PTPN2: variants seen among roughly 807,000 people sequenced by gnomAD.
The protein encoded by PTPN2 is protein tyrosine phosphatase non-receptor type 2, also known as tyrosine-protein phosphatase non-receptor type 2.
PTPN2 carries 19 observed loss-of-function variants against 57.3 expected under a neutral mutation model. The observed-to-expected ratio is 0.33, with a 90% confidence interval of 0.23 to 0.49. The LOEUF (loss-of-function observed/expected upper bound fraction) is 0.49, where lower values mean the gene tolerates loss of function less well. PTPN2 is among the 20% of genes least tolerant of loss of function. PTPN2 has a pLI of 0.99. For missense variants in PTPN2, 358 were observed against 501.1 expected (o/e 0.71, Z 2.73); for synonymous variants, 153 against 164.9 (o/e 0.93, Z 0.55).
intron 8 of PTPN2, among the ~76,000 whole-genome samples, chr18:12,796,026 C>T (rs1336589696): frequency 1.3e-5 from 2 of 151,356 alleles, no homozygotes; most frequent in Non-Finnish European, 1.5e-5. Context: ...ATTGAGACTA[C>T]CTTTTTCCTG....
downstream of PTPN2, among the ~76,000 whole-genome samples, chr18:12,789,189 T>C (rs888988855): frequency 2.0e-5 from 3 of 151,920 alleles, no homozygotes; most frequent in Non-Finnish European, 2.9e-5. Context: ...TCTGCACTTC[T>C]AGGGGCAGGT....
chr18:12,856,707 A>T (rs1262197504), intron 2 of PTPN2, among the ~76,000 whole-genome samples: 1 of 152,232 alleles, frequency 6.6e-6, no homozygotes, highest in Non-Finnish European at 1.5e-5. Flanking sequence ...TATATACTTG[A>T]GGATAACTTA....
At chr18:12,814,972 T>C (rs1377317714) in intron 6 of PTPN2, among the ~76,000 whole-genome samples, 1 of 151,880 alleles carries the variant, frequency 6.6e-6, no homozygotes, top group Non-Finnish European at 1.5e-5. Flanking sequence ...TAATCCCAGC[T>C]ACATTGGAGG....
chr18:12,790,445 G>C (rs984651073), downstream of PTPN2, among the ~76,000 whole-genome samples: 5 of 152,184 alleles, frequency 3.3e-5, no homozygotes, highest in Admixed American at 3.3e-4. Context: ...TGCAGTTGCA[G>C]TCTTCCTTTG....
rs1351629607 is a variant in PTPN2 at position 12,860,285 on chromosome 18, T to TC, written c.70-1032_70-1031insG. 4.8e-5 allele frequency among the ~76,000 whole-genome samples: 7 copies of TC among 145,782 alleles called. No individual in the cohort carries two copies. In the East Asian group the frequency reaches 8.3e-4, roughly 17 times the overall value. ...GTCTGGGCGACAGAGTGAGACTCTA[T>TC]AAAAAAAAACCCCAAAAAAATACAA... On this transcript the variant is annotated intron_variant, in intron 1 of 8. Transcript: ENST00000309660.
intron 4 of PTPN2, among the ~76,000 whole-genome samples, chr18:12,830,274 C>A (rs2042625630): frequency 6.6e-6 from 1 of 152,030 alleles, no homozygotes. Flanking sequence ...CTCAGCCTCC[C>A]AAGTAGCTAG....
In PTPN2 at chr18:12,878,208, G is replaced by A. The variant is rs541197295; in HGVS notation, c.69+5865C>T. Among the ~76,000 whole-genome samples, 432 of 151,630 alleles carry A rather than the reference G, an allele frequency of 2.8e-3. 1 individual carries two copies. The highest frequency in any genetic ancestry group is 4.7e-3 in the Non-Finnish European group (316 of 67,886). ...AAAAAAATTAGCCAGGCCCAGCTAC[G>A]TGGGGGACTGAGGCAGGAGGATGTC... On this transcript the variant is annotated intron_variant, in intron 1 of 8. Transcript: ENST00000309660.
intron 3 of PTPN2, among the ~76,000 whole-genome samples, chr18:12,833,113 A>G (rs1206984765): frequency 6.6e-6 from 1 of 152,192 alleles, no homozygotes; most frequent in African/African-American, 2.4e-5. Context: ...TCAGAGGAAC[A>G]GAGATTCACA....
chr18:12,842,446 G>A (rs780869576), intron 2 of PTPN2, among the ~76,000 whole-genome samples: 9 of 152,186 alleles, frequency 5.9e-5, no homozygotes, highest in Non-Finnish European at 1.0e-4. Context: ...GACTCACAGC[G>A]CTGGGGAGAG....
intron 2 of PTPN2, among the ~76,000 whole-genome samples, chr18:12,839,943 A>T (rs1460055755): frequency 9.2e-6 from 1 of 108,170 alleles, no homozygotes; most frequent in African/African-American, 3.0e-5. Flanking sequence ...CATAAGCTTT[A>T]AAAAAAAAAA....
intron 7 of PTPN2, among the ~76,000 whole-genome samples, chr18:12,803,372 G>T (rs997451943): frequency 2.0e-5 from 3 of 152,110 alleles, no homozygotes; most frequent in African/African-American, 7.2e-5. Context: ...CAAAATGGCA[G>T]GTGTAAGTCC....
intron 2 of PTPN2, among the ~76,000 whole-genome samples, chr18:12,847,151 G>T (rs1486649670): frequency 6.6e-6 from 1 of 151,994 alleles, no homozygotes; most frequent in African/African-American, 2.4e-5. Context: ...GGCAAGAAAT[G>T]AAGCATACAA....
chr18:12,826,406 G>A (rs775782357), intron 4 of PTPN2, among the ~76,000 whole-genome samples: 8 of 152,104 alleles, frequency 5.3e-5, no homozygotes, highest in Non-Finnish European at 1.2e-4. Flanking sequence ...CCATCTCGGG[G>A]AGCAGGGCGG....
intron 1 of PTPN2, among the ~76,000 whole-genome samples, chr18:12,875,154 AG>A (rs1180209960): frequency 6.6e-6 from 1 of 152,162 alleles, no homozygotes; most frequent in African/African-American, 2.4e-5. Context: ...TCAAGTACCC[AG>A]GGACACAAAC....
chr18:12,789,878 GTATATATATA>G (rs1002659485), downstream of PTPN2, among the ~76,000 whole-genome samples: 1 of 151,346 alleles, frequency 6.6e-6, no homozygotes, highest in African/African-American at 2.4e-5. Context: ...GTGTGTGTGT[GTATATATATA>G]TGTATGTATA....
At chr18:12,844,126 T>G (rs926893923) in intron 2 of PTPN2, 1 of 152,276 alleles carries the variant, frequency 6.6e-6, no homozygotes, top group African/African-American at 2.4e-5. Context: ...TTTCTTCCTT[T>G]TTATTGCTGA....
At chr18:12,832,392 C>T (rs1354642423) in intron 3 of PTPN2, among the ~76,000 whole-genome samples, 2 of 152,188 alleles carry the variant, frequency 1.3e-5, no homozygotes, top group African/African-American at 4.8e-5. Flanking sequence ...GCTGGGATTA[C>T]AGGTATCAGC....
chr18:12,878,124 C>T (rs1474980294), intron 1 of PTPN2, among the ~76,000 whole-genome samples: 1 of 152,040 alleles, frequency 6.6e-6, no homozygotes, highest in African/African-American at 2.4e-5. Context: ...ATTGCTTGAA[C>T]TCAGGAGTTG....
At chr18:12,819,668 T>G (rs1316985514) in intron 5 of PTPN2, among the ~76,000 whole-genome samples, 1 of 151,780 alleles carries the variant, frequency 6.6e-6, no homozygotes, top group Non-Finnish European at 1.5e-5. Context: ...AAAAGGTAAA[T>G]TAAATTTATT....
Sources: gnomAD v4.1 joint callset for allele counts (sites outside exome capture counted in the v4.1 genomes callset) on GRCh38, gnomAD v4.1.1 for gene constraint, MANE v1.5 for transcripts, NCBI Gene and HGNC (gene_info 2026-07-23, HGNC 2026-07-21) for gene names.